The following FBXW8 variants were observed in gnomAD, a reference collection of about 807,000 sequenced individuals.
FBXW8 encodes the protein F-box and WD repeat domain containing 8, also known as F-box/WD repeat-containing protein 8.
A neutral mutation model predicts 65.3 loss-of-function variants in FBXW8; 57 were observed. The ratio of observed to expected loss-of-function variants is 0.87; its 90% CI spans 0.71 to 1.09. FBXW8 has a LOEUF of 1.09. Among genes scored for constraint, FBXW8 ranks in the 50% least tolerant of loss-of-function variants. The probability of loss-of-function intolerance (pLI) is 0.00; values close to 1 mark genes in which losing one functional copy is unlikely to be tolerated. For synonymous variants in FBXW8, 308 were observed against 330.2 expected, an observed-to-expected ratio of 0.93 and a Z score of 0.73; for missense variants, 777 against 814.8, an observed-to-expected ratio of 0.95 and a Z score of 0.57.
chr12:116,964,040 T>C (rs1884155990), intron 4 of FBXW8, among the ~76,000 whole-genome samples: 1 of 152,208 alleles, frequency 6.6e-6, no homozygotes, highest in Admixed American at 6.5e-5. Context: ...AAGCAGTCAT[T>C]TGTTGGAGTG....
intron 7 of FBXW8, among the ~76,000 whole-genome samples, chr12:117,001,210 A>G (rs1310998845): frequency 6.6e-6 from 1 of 152,250 alleles, no homozygotes; most frequent in African/African-American, 2.4e-5. Flanking sequence ...TAGAGTGAGT[A>G]GAGGCCGTTA....
At chr12:116,964,382 G>A (rs1884175703) in intron 4 of FBXW8, among the ~76,000 whole-genome samples, 1 of 152,204 alleles carries the variant, frequency 6.6e-6, no homozygotes, top group Admixed American at 6.5e-5. Flanking sequence ...CCCTGTAGTG[G>A]GAGAGCTTGC....
chr12:116,982,815 T>C (rs968796132), intron 5 of FBXW8, among the ~76,000 whole-genome samples: 1 of 152,172 alleles, frequency 6.6e-6, no homozygotes, highest in African/African-American at 2.4e-5. Context: ...TGTGGTTAAA[T>C]AGCTTCCACG....
chr12:116,948,489 G>C (rs1883073482), intron 3 of FBXW8, among the ~76,000 whole-genome samples: 1 of 152,134 alleles, frequency 6.6e-6, no homozygotes, highest in Non-Finnish European at 1.5e-5. Flanking sequence ...TAATAAATGT[G>C]TATTTTAATG....
At chr12:116,915,386 A>C (rs774473163) in intron 1 of FBXW8, among the ~76,000 whole-genome samples, 2 of 152,166 alleles carry the variant, frequency 1.3e-5, no homozygotes, top group Non-Finnish European at 2.9e-5. Flanking sequence ...TCCCACTTTT[A>C]AAAGTTTTTA....
chr12:116,934,376 T>C (rs1882010106), intron 2 of FBXW8, among the ~76,000 whole-genome samples: 1 of 152,158 alleles, frequency 6.6e-6, no homozygotes, highest in Admixed American at 6.5e-5. Flanking sequence ...GTAAGCAAAG[T>C]TACTTGTTGG....
intron 5 of FBXW8, among the ~76,000 whole-genome samples, chr12:116,966,783 C>T (rs1190081323): frequency 4.6e-5 from 7 of 151,914 alleles, no homozygotes; most frequent in Admixed American, 2.6e-4. Flanking sequence ...GGCACCATCT[C>T]GGCTCACTGC....
rs1954294934 is a variant in FBXW8 at position 117,028,610 on chromosome 12, C to T, written c.*438C>T. On this transcript the variant is annotated 3_prime_UTR_variant, in exon 11 of 11. Coordinates refer to ENST00000652555, the MANE Select transcript of FBXW8 (RefSeq NM_153348.3). The surrounding 1 kb of genome is among the most constrained non-coding windows in gnomAD (Gnocchi z 4.1). ...ATGTGCTTGTTCCTGGCCTCCAAGG[C>T]AATAACCTCCATGTCCTTTTCCCTG... is the stretch of plus-strand genomic sequence containing the variant. 5.9e-6 allele frequency: 1 copy of T among 170,026 alleles called. No homozygotes were observed. The highest frequency in any genetic ancestry group is 5.6e-5 in the Admixed American group (1 of 18,014). The allele number at this position is 170,026 out of a possible 1,614,324, so 10.5% of individuals were successfully genotyped here.
intron 7 of FBXW8, among the ~76,000 whole-genome samples, chr12:116,991,768 G>A (rs1207978618): frequency 1.3e-5 from 2 of 152,208 alleles, no homozygotes; most frequent in Non-Finnish European, 2.9e-5. Flanking sequence ...TTGATTAACT[G>A]TGATAAAAGC....
intron 4 of FBXW8, among the ~76,000 whole-genome samples, chr12:116,959,791 A>G (rs1270368941): frequency 6.6e-6 from 1 of 152,174 alleles, no homozygotes; most frequent in Admixed American, 6.5e-5. Flanking sequence ...TTCAACAAAA[A>G]ATCAGCTATG....
At chr12:116,998,714 C>T (rs1225910696) in intron 7 of FBXW8, among the ~76,000 whole-genome samples, 1 of 72,862 alleles carries the variant, frequency 1.4e-5, no homozygotes, top group Non-Finnish European at 5.1e-5. Context: ...GAAATGTTTG[C>T]CTTTGTTCCA....
chr12:117,015,478 A>G (rs1953930420), intron 8 of FBXW8, among the ~76,000 whole-genome samples: 1 of 152,062 alleles, frequency 6.6e-6, no homozygotes, highest in African/African-American at 2.4e-5. Flanking sequence ...GGCCCTTCCT[A>G]TTCTGTAGCT....
chr12:116,981,202 T>C (rs1885282726), intron 5 of FBXW8, among the ~76,000 whole-genome samples: 1 of 152,252 alleles, frequency 6.6e-6, no homozygotes, highest in Non-Finnish European at 1.5e-5. Context: ...GATATAACTG[T>C]AGTAACTGAT....
chr12:117,000,212 A>G (rs1403572261), intron 7 of FBXW8, among the ~76,000 whole-genome samples: 2 of 152,036 alleles, frequency 1.3e-5, no homozygotes, highest in Non-Finnish European at 2.9e-5. Flanking sequence ...TCCTGACCTC[A>G]TGATCCGCCC....
chr12:116,967,011 ATAGT>A (rs1884368049), intron 5 of FBXW8, among the ~76,000 whole-genome samples: 1 of 152,064 alleles, frequency 6.6e-6, no homozygotes, highest in Non-Finnish European at 1.5e-5. Context: ...TTTTAAAGTC[ATAGT>A]TAGAATTCAA....
intron 1 of FBXW8, among the ~76,000 whole-genome samples, chr12:116,921,150 G>A (rs1016408645): frequency 9.9e-5 from 15 of 152,270 alleles, no homozygotes; most frequent in African/African-American, 3.4e-4. Flanking sequence ...AATATGTCTT[G>A]AAGCTGGAAA....
At chr12:117,025,700 T>C (rs1166188525) in intron 9 of FBXW8, among the ~76,000 whole-genome samples, 1 of 152,190 alleles carries the variant, frequency 6.6e-6, no homozygotes, top group East Asian at 1.9e-4. Flanking sequence ...TTTTTCTGAA[T>C]GGTGATGCAC....
chr12:116,989,250 T>G (rs1471949286), intron 7 of FBXW8, among the ~76,000 whole-genome samples: 1 of 152,232 alleles, frequency 6.6e-6, no homozygotes. Flanking sequence ...CCATGTCAGC[T>G]TTTACCAAGC....
chr12:116,949,865 C>T (rs1045628843), intron 4 of FBXW8, 159 bp downstream of exon 4: 1 of 701,636 alleles, frequency 1.4e-6, no homozygotes, highest in African/African-American at 1.8e-5. Flanking sequence ...GATTCTGTTC[C>T]CAAGGACGTG....
Sources: allele counts gnomAD v4.1 joint callset (sites outside exome capture counted in the v4.1 genomes callset), GRCh38; gene constraint gnomAD v4.1.1; non-coding constraint Gnocchi (gnomAD v3.1); transcripts MANE v1.5; gene names NCBI Gene and HGNC (gene_info 2026-07-23, HGNC 2026-07-21).